The following MAGI1 variants were observed in gnomAD, a reference collection of about 807,000 sequenced individuals.
The protein encoded by MAGI1 is membrane associated guanylate kinase, WW and PDZ domain containing 1.
MAGI1 carries 58 observed loss-of-function variants against 139.9 expected under a neutral mutation model. The observed-to-expected ratio is 0.41, with a 90% CI of 0.34 to 0.52. MAGI1 has a LOEUF of 0.52. Ranked by LOEUF, MAGI1 falls within the 20% of genes least tolerant of loss-of-function variation. The pLI is 0.12. For missense variants in MAGI1, 1,874 were observed against 1,901.6 expected (o/e 0.99, Z 0.27); for synonymous variants, 812 against 737.9 (o/e 1.10, Z -1.63).
intron 2 of MAGI1, chr3:65,610,058 TCAA>T (rs1268989033): frequency 3.0e-5 from 1 of 32,798 alleles, no homozygotes; most frequent in Non-Finnish European, 8.3e-5. Flanking sequence ...AATTATTATA[TCAA>T]CAACATTTTT....
Position 65,437,176 on chromosome 3 carries a change from C to T in MAGI1, c.1342G>A (p.Ala448Thr), listed in dbSNP as rs1191392366. The T allele has an allele frequency of 2.5e-6, 4 of 1,609,106 alleles. No homozygotes were observed. Among genetic ancestry groups the T allele is most frequent in the East Asian group, 2.2e-5 (1 of 44,794 alleles). The change falls in exon 10 of 23, where the codon GCC becomes ACC. Residue 448 changes from alanine to threonine, a missense_variant. Ala to Thr is a moderately conservative substitution (Grantham distance 58). Transcript: ENST00000402939. The stretch of plus-strand genomic sequence containing the variant: ...TTACCCTGAAGTGGAACTTCTCTGG[C>T]TGGCTCTGGATTGCTTGGAGGGTGG... Reference protein sequence around the residue: ...PNHPPSNPEPAREVPLQGKPF... With the variant: ...PNHPPSNPEPTREVPLQGKPF...
At chr3:65,440,613 TAAAC>T (rs1283470683) in intron 8 of MAGI1, among the ~76,000 whole-genome samples, 1 of 152,098 alleles carries the variant, frequency 6.6e-6, no homozygotes, top group Non-Finnish European at 1.5e-5. Flanking sequence ...ACAATGAAGT[TAAAC>T]AAAGAACTCC....
intron 2 of MAGI1, among the ~76,000 whole-genome samples, chr3:65,543,950 A>G (rs1035900739): frequency 5.9e-5 from 9 of 152,108 alleles, no homozygotes; most frequent in Admixed American, 3.3e-4. Context: ...TAAAAAGGAA[A>G]AGCCAATCAT....
intron 14 of MAGI1, among the ~76,000 whole-genome samples, chr3:65,385,544 G>C (rs1272009689): frequency 6.6e-6 from 1 of 152,204 alleles, no homozygotes; most frequent in Non-Finnish European, 1.5e-5. Flanking sequence ...GGTTGGCGAA[G>C]AGATGTCCCT....
intron 1 of MAGI1, chr3:65,925,371 C>T (rs1438685241): frequency 6.6e-6 from 1 of 151,938 alleles, no homozygotes; most frequent in Non-Finnish European, 1.5e-5. Context: ...AAAGGCCAAA[C>T]AGAATGACAA....
Position 65,357,094 on chromosome 3 carries a change from G to T in MAGI1, c.3673C>A (p.Gln1225Lys). ...CCGGCCCTCACTTCCGGAACACCTTGTGGACCGGTGGCGGGGCCGTGGCGG... is the reference window on the plus strand; with the variant it reads ...CCGGCCCTCACTTCCGGAACACCTTTTGGACCGGTGGCGGGGCCGTGGCGG... ...SDRHGPATGPQGVPEVRAGPD... is the reference protein window; with the variant it reads ...SDRHGPATGPKGVPEVRAGPD... The change falls in exon 23 of 23, where the codon CAA becomes AAA. Residue 1225 changes from glutamine to lysine, a missense_variant. Coordinates refer to ENST00000402939, the MANE Select transcript of MAGI1 (RefSeq NM_001033057.2). 5 of 1,613,588 alleles carry T rather than the reference G, an allele frequency of 3.1e-6. No individual in the cohort carries two copies. Among genetic ancestry groups the T allele is most frequent in the Admixed American group, 1.7e-5 (1 of 60,012 alleles).
chr3:65,728,198 GGA>G (rs1270342428), intron 1 of MAGI1, among the ~76,000 whole-genome samples: 2 of 152,154 alleles, frequency 1.3e-5, no homozygotes, highest in African/African-American at 4.8e-5. Context: ...AAAGATCTAG[GGA>G]AGGAGATTCC....
intron 4 of MAGI1, among the ~76,000 whole-genome samples, chr3:65,474,968 T>C (rs1388073347): frequency 6.6e-6 from 1 of 152,158 alleles, no homozygotes; most frequent in Non-Finnish European, 1.5e-5. Context: ...GTGCTTGCCA[T>C]ATAGTCCATA....
intron 1 of MAGI1, among the ~76,000 whole-genome samples, chr3:65,795,243 A>G (rs1379429422): frequency 2.0e-5 from 3 of 152,244 alleles, no homozygotes; most frequent in Non-Finnish European, 4.4e-5. Context: ...AAATGTTCAT[A>G]GCAACTTTAT....
At chr3:65,410,060 G>C (rs1216646074) in intron 12 of MAGI1, among the ~76,000 whole-genome samples, 1 of 152,160 alleles carries the variant, frequency 6.6e-6, no homozygotes, top group African/African-American at 2.4e-5. Flanking sequence ...GCCTTGACCT[G>C]GCACAGGTAA....
At chr3:65,707,930 C>G (rs191895264) in intron 1 of MAGI1, among the ~76,000 whole-genome samples, 38 of 152,236 alleles carry the variant, frequency 2.5e-4, no homozygotes, top group Middle Eastern at 3.4e-3. Context: ...GCGGCTGTAA[C>G]TGTGTGAAGA....
At chr3:65,746,528 C>A (rs1311974726) in intron 1 of MAGI1, among the ~76,000 whole-genome samples, 3 of 152,022 alleles carry the variant, frequency 2.0e-5, no homozygotes, top group Non-Finnish European at 2.9e-5. Flanking sequence ...CAGGACATAA[C>A]AATCACATAA....
chr3:65,835,736 T>C (rs1159430683), intron 1 of MAGI1, among the ~76,000 whole-genome samples: 7 of 152,180 alleles, frequency 4.6e-5, no homozygotes, highest in South Asian at 2.1e-4. Context: ...AATGAGAACA[T>C]TCTTATTTTA....
chr3:65,579,808 C>T (rs6793311), intron 2 of MAGI1, among the ~76,000 whole-genome samples: 99,543 of 149,886 alleles, frequency 0.66, 33,815 homozygotes, highest in East Asian at 0.93. Context: ...GATCACGCCA[C>T]TGCACTCTGG....
In MAGI1 at chr3:65,958,712, C is replaced by T. The variant is rs112877343; in HGVS notation, c.313+79284G>A. Among the ~76,000 whole-genome samples, 373 of 152,218 alleles carry T rather than the reference C, an allele frequency of 2.5e-3. 1 individual carries two copies. The highest frequency in any genetic ancestry group is 0.02 in the Middle Eastern group (6 of 294). ...GAGCAAAAATACACATTTAGCCAGG[C>T]GGGGGAGCTCAGGCCTATAATCCCA... is the stretch of plus-strand genomic sequence containing the variant. On this transcript the variant is annotated intron_variant, in intron 1 of 22. Coordinates refer to ENST00000402939, the MANE Select transcript of MAGI1 (RefSeq NM_001033057.2).
intron 1 of MAGI1, among the ~76,000 whole-genome samples, chr3:65,866,663 T>C (rs1278458192): frequency 6.6e-6 from 1 of 152,288 alleles, no homozygotes; most frequent in East Asian, 1.9e-4. Flanking sequence ...TGAATTCCAC[T>C]GTGGGTACTG....
intron 10 of MAGI1, among the ~76,000 whole-genome samples, chr3:65,431,195 T>C (rs1458005028): frequency 6.6e-6 from 1 of 152,182 alleles, no homozygotes; most frequent in Non-Finnish European, 1.5e-5. Context: ...GGAATTGAGC[T>C]GCCACAAACC....
chr3:65,795,696 T>TACACAC lies in MAGI1; in HGVS notation c.314-173614_314-173609dup, dbSNP rs10527666. On this transcript the variant is annotated intron_variant, in intron 1 of 22. Transcript: ENST00000402939. ...GAAACAGAACCATAAGATGATAAGATACACACACACACACACACACACACA... is the reference window on the plus strand; with the variant it reads ...GAAACAGAACCATAAGATGATAAGATACACACACACACACACACACACACACACACA... 2.6e-3 allele frequency among the ~76,000 whole-genome samples: 355 copies of TACACAC among 139,012 alleles called. 2 individuals carry two copies. Among genetic ancestry groups the TACACAC allele is most frequent in the Middle Eastern group, 3.5e-3 (1 of 286 alleles). 91.2% of individuals were successfully genotyped at this position (139,012 alleles called of 152,430 possible). A position where few individuals can be genotyped will look rare whatever the true frequency, so the allele number is the denominator to read the frequency against.
intron 1 of MAGI1, among the ~76,000 whole-genome samples, chr3:66,030,198 G>A (rs773860500): frequency 1.3e-5 from 2 of 152,098 alleles, no homozygotes; most frequent in African/African-American, 4.8e-5. Flanking sequence ...TGGATCAATC[G>A]GCTAAGCTCT....
Sources: allele counts gnomAD v4.1 joint callset (sites outside exome capture counted in the v4.1 genomes callset), GRCh38; gene constraint gnomAD v4.1.1; transcripts MANE v1.5; gene names NCBI Gene and HGNC (gene_info 2026-07-23, HGNC 2026-07-21).